The following RHCE variants were observed in gnomAD, a reference collection of about 807,000 sequenced individuals.
RHCE encodes blood group Rh(CE) polypeptide.
RHCE carries 22 observed loss-of-function variants against 43.8 expected under a neutral mutation model. The ratio of observed to expected loss-of-function variants is 0.50; its 90% CI spans 0.36 to 0.72. The LOEUF (loss-of-function observed/expected upper bound fraction) is 0.72, where lower values mean the gene tolerates loss of function less well. Among genes scored for constraint, RHCE ranks in the 30% least tolerant of loss-of-function variants. The pLI, the probability that RHCE is intolerant of heterozygous loss-of-function variation, is 0.00. For synonymous variants in RHCE, 156 were observed against 210.7 expected (o/e 0.74, Z 2.25); for missense variants, 385 against 525.4 (o/e 0.73, Z 2.61).
rs71014361 is a variant in RHCE, at chr1:25,416,819, CG to C, written c.148+3819del. ...TTTTTTTTTTTTTTTTTAGAGATGG[CG>C]GGGGGGGGTCTCCCTATGTTTCCTA... On this transcript the variant is annotated intron_variant, in intron 1 of 9. Coordinates refer to ENST00000294413, the MANE Select transcript of RHCE (RefSeq NM_020485.8). Among the ~76,000 whole-genome samples, 55 of 116,772 alleles carry C rather than the reference CG, an allele frequency of 4.7e-4. 1 individual carries two copies. Among genetic ancestry groups the C allele is most frequent in the African/African-American group, 1.2e-3 (31 of 25,380 alleles). The allele number at this position is 116,772 out of a possible 152,430, so 76.6% of individuals were successfully genotyped here. A position where few individuals can be genotyped will look rare whatever the true frequency, so the allele number is the denominator to read the frequency against.
chr1:25,429,072 G>A (rs2042827343), intron 1 of RHCE: 1 of 152,380 alleles, frequency 6.6e-6, no homozygotes, highest in African/African-American at 2.4e-5. Flanking sequence ...GTGAGCAGAA[G>A]AAAGTAACAC....
At chr1:25,410,195 C>T (rs570439145) in intron 1 of RHCE, among the ~76,000 whole-genome samples, 3 of 152,176 alleles carry the variant, frequency 2.0e-5, no homozygotes, top group South Asian at 2.1e-4. Context: ...CAGGGCCTGG[C>T]CTACAGCCAA....
rs2473372 is a variant in RHCE, at chr1:25,414,767, T to C, written c.148+5872A>G. 1.4e-4 allele frequency among the ~76,000 whole-genome samples: 22 copies of C among 152,102 alleles called. No homozygotes were observed. In the South Asian group the frequency reaches 2.3e-3, roughly 16 times the overall value. ...GTAATGGCCCCCAGTGAATCACCAA[T>C]TGCCAAACATGTGAATGAGGTCATC... is the stretch of plus-strand genomic sequence containing the variant. On this transcript the variant is annotated intron_variant, in intron 1 of 9. Coordinates refer to ENST00000294413, the MANE Select transcript of RHCE (RefSeq NM_020485.8).
chr1:25,408,903 G>A, intron 1 of RHCE, 34 bp from the exon 2 acceptor site: 1 of 1,259,980 alleles, frequency 7.9e-7, no homozygotes, highest in Non-Finnish European at 1.1e-6. Context: ...AAGGAGGAGG[G>A]GGAAGCAGAC....
At chr1:25,392,167 T>C in intron 3 of RHCE, 26 bp from the exon 4 acceptor site, 1 of 1,614,032 alleles carries the variant, frequency 6.2e-7, no homozygotes, top group Non-Finnish European at 8.5e-7. Context: ...GTAAGAGCAG[T>C]GAGTGTCGGC....
chr1:25,372,247 CAG>C lies in RHCE; in HGVS notation c.1154-1709_1154-1708del, dbSNP rs1250950489. ...GTTTTAAGAATTTGTTGGCCGGGCA[CAG>C]TGGCTTATGCCTGTAATCCCAGCAC... On this transcript the variant is annotated intron_variant, in intron 8 of 9. Transcript: ENST00000294413. 5.3e-5 allele frequency among the ~76,000 whole-genome samples: 8 copies of C among 151,804 alleles called. No homozygotes were observed. In the East Asian group the frequency reaches 1.5e-3, roughly 29 times the overall value.
intron 7 of RHCE, among the ~76,000 whole-genome samples, chr1:25,383,119 T>A (rs1349245158): frequency 6.6e-6 from 1 of 152,208 alleles, no homozygotes; most frequent in Non-Finnish European, 1.5e-5. Flanking sequence ...CTTTTCTCCC[T>A]GATGTAATCA....
upstream of RHCE, among the ~76,000 whole-genome samples, chr1:25,422,745 C>T (rs1338754958): frequency 1.3e-5 from 2 of 152,130 alleles, no homozygotes; most frequent in Non-Finnish European, 2.9e-5. Context: ...GCACCAGGGA[C>T]GGGTTTTGTA....
chr1:25,389,844 C>T (rs892660515), intron 5 of RHCE, among the ~76,000 whole-genome samples: 3 of 152,094 alleles, frequency 2.0e-5, no homozygotes, highest in Admixed American at 6.5e-5. Context: ...CGGAGCCTTG[C>T]CTTGCTCTTA....
intron 1 of RHCE, among the ~76,000 whole-genome samples, chr1:25,416,982 G>A (rs1241727624): frequency 6.6e-6 from 1 of 150,728 alleles, no homozygotes; most frequent in Non-Finnish European, 1.5e-5. Flanking sequence ...AGAACAGCAC[G>A]ATGACCCTAC....
At chr1:25,402,557 C>G (rs748156058) in intron 3 of RHCE, 39 bp downstream of exon 3, 10 of 1,613,950 alleles carry the variant, frequency 6.2e-6, no homozygotes, top group Non-Finnish European at 8.5e-7. Flanking sequence ...GCTTTTGGCC[C>G]TTTTCTCCCA....
chr1:25,387,615 T>A (rs1297180147), intron 6 of RHCE, among the ~76,000 whole-genome samples: 2 of 152,158 alleles, frequency 1.3e-5, no homozygotes, highest in African/African-American at 4.8e-5. Context: ...ATTTCAGGGT[T>A]TCAAAGCCAG....
At chr1:25,371,284 A>G (rs1571827354) in intron 8 of RHCE, among the ~76,000 whole-genome samples, 1 of 151,598 alleles carries the variant, frequency 6.6e-6, no homozygotes, top group African/African-American at 2.4e-5. Context: ...ACCTCAGCTT[A>G]AGATTCCACT....
chr1:25,385,004 G>A (rs1027007183), intron 7 of RHCE, among the ~76,000 whole-genome samples: 6 of 152,140 alleles, frequency 3.9e-5, no homozygotes, highest in Middle Eastern at 3.4e-3. Flanking sequence ...TCCCTATATC[G>A]TGCCCAATTC....
intron 7 of RHCE, chr1:25,385,478 G>T: frequency 1.6e-6 from 1 of 637,050 alleles, no homozygotes; most frequent in Non-Finnish European, 2.8e-6. Context: ...TCGTGTCTTT[G>T]GTCTATACCT....
At chr1:25,415,559 G>A (rs1457785101) in intron 1 of RHCE, among the ~76,000 whole-genome samples, 2 of 152,148 alleles carry the variant, frequency 1.3e-5, no homozygotes, top group Non-Finnish European at 2.9e-5. Flanking sequence ...GGCTGAGGCA[G>A]GAGAATTACT....
chr1:25,425,515 T>C (rs559209423), upstream of RHCE, among the ~76,000 whole-genome samples: 3 of 152,346 alleles, frequency 2.0e-5, no homozygotes, highest in South Asian at 6.2e-4. Context: ...AGTTACTAAA[T>C]CACCCAGTCT....
rs749434058 is a variant in RHCE at position 25,385,862 on chromosome 1, T to C, written c.940-18A>G. On this transcript the variant is annotated intron_variant, in intron 6 of 9. Coordinates refer to ENST00000294413, the MANE Select transcript of RHCE (RefSeq NM_020485.8). ...CAACACACCTGTGGACAAGTGTTAT[T>C]ATAAGCAGATTGGCAGGTGAGACCC... 1.9e-6 allele frequency: 3 copies of C among 1,614,048 alleles called. No homozygotes were observed. Among genetic ancestry groups the C allele is most frequent in the Non-Finnish European group, 8.5e-7 (1 of 1,179,986 alleles).
At chr1:25,380,328 GA>G (rs58269728) in intron 7 of RHCE, among the ~76,000 whole-genome samples, 10,606 of 142,812 alleles carry the variant, frequency 0.074, 1,269 homozygotes, top group African/African-American at 0.26. Flanking sequence ...TTGGACCCCC[GA>G]AGCTTCGGGG....
Sources: allele counts gnomAD v4.1 joint callset (sites outside exome capture counted in the v4.1 genomes callset), GRCh38; gene constraint gnomAD v4.1.1; transcripts MANE v1.5; gene names NCBI Gene and HGNC (gene_info 2026-07-23, HGNC 2026-07-21).